The following SGK3 variants were observed in gnomAD, a reference collection of about 807,000 sequenced individuals.
SGK3 encodes the protein serum/glucocorticoid regulated kinase family member 3.
In SGK3, 47 loss-of-function variants were observed where a neutral mutation model predicts 68.5. That is an observed-to-expected ratio of 0.69 (90% CI 0.54 to 0.87). SGK3 has a LOEUF of 0.87. Among genes scored for constraint, SGK3 ranks in the 40% least tolerant of loss-of-function variants. The pLI, the probability that SGK3 is intolerant of heterozygous loss-of-function variation, is 0.00. For synonymous variants in SGK3, 181 were observed against 189.1 expected (o/e 0.96, Z 0.35); for missense variants, 479 against 575.5 (o/e 0.83, Z 1.72).
intron 4 of SGK3, among the ~76,000 whole-genome samples, chr8:66,808,649 G>A (rs887001037): frequency 3.3e-5 from 5 of 151,494 alleles, no homozygotes; most frequent in African/African-American, 1.2e-4. Flanking sequence ...GAGTAGCTGG[G>A]ATTATAGGAT....
At chr8:66,766,701 A>G (rs796183527) in intron 1 of SGK3, among the ~76,000 whole-genome samples, 47 of 152,220 alleles carry the variant, frequency 3.1e-4, no homozygotes, top group African/African-American at 1.1e-3. Context: ...TTTTGTTCAT[A>G]TATTTTGAAG....
intron 3 of SGK3, among the ~76,000 whole-genome samples, chr8:66,803,304 T>C (rs888181217): frequency 2.0e-5 from 3 of 152,090 alleles, no homozygotes; most frequent in African/African-American, 7.2e-5. Flanking sequence ...CAGTTGGCAG[T>C]TAGAGGTGTT....
At chr8:66,742,528 G>A (rs1805513579) in intron 1 of SGK3, among the ~76,000 whole-genome samples, 1 of 151,946 alleles carries the variant, frequency 6.6e-6, no homozygotes, top group African/African-American at 2.4e-5. Context: ...CACCATGTCT[G>A]GCTGATTTTG....
chr8:66,716,101 G>C lies in SGK3; in HGVS notation c.-122+3268G>C, dbSNP rs375128459. 2.6e-4 allele frequency among the ~76,000 whole-genome samples: 40 copies of C among 152,270 alleles called. 1 individual carries two copies. In the South Asian group the frequency reaches 7.7e-3, roughly 29 times the overall value. The stretch of plus-strand genomic sequence containing the variant: ...CTTATGTAACATGTTATTCCTGACA[G>C]ATGTAACAGCTCCCATATTATTTTA... On this transcript the variant is annotated intron_variant, in intron 1 of 16. Coordinates refer to ENST00000521198, the MANE Select transcript of SGK3 (RefSeq NM_001033578.3).
chr8:66,857,621 A>T (rs1012778335), intron 16 of SGK3, among the ~76,000 whole-genome samples: 5 of 152,060 alleles, frequency 3.3e-5, no homozygotes, highest in African/African-American at 1.2e-4. Flanking sequence ...GACTCTACTA[A>T]AAATAAAAAA....
At chr8:66,790,360 C>T (rs1013617686) in intron 1 of SGK3, among the ~76,000 whole-genome samples, 2 of 152,124 alleles carry the variant, frequency 1.3e-5, no homozygotes, top group Non-Finnish European at 2.9e-5. Flanking sequence ...GAGGAGGAGG[C>T]GTTGGGATGC....
In SGK3 at chr8:66,794,381, T is replaced by C. The variant is rs763849075; in HGVS notation, c.96+549T>C. 2.6e-5 allele frequency among the ~76,000 whole-genome samples: 4 copies of C among 152,288 alleles called. No homozygotes were observed. The East Asian group carries it at 7.7e-4, about 29-fold the overall frequency. On this transcript the variant is annotated intron_variant, in intron 2 of 16. Transcript: ENST00000521198. ...TGTATCAGTTTTTATTATTGGAGAA[T>C]AGTCACTTTTCTAATTAGTGTGCTG...
chr8:66,767,350 A>G, intron 1 of SGK3: 8 of 1,046,366 alleles, frequency 7.6e-6, no homozygotes, highest in Non-Finnish European at 1.0e-5. Flanking sequence ...TAAACAAATA[A>G]TGCTTTATTA....
intron 1 of SGK3, among the ~76,000 whole-genome samples, chr8:66,771,493 T>C (rs372483645): frequency 2.0e-5 from 3 of 152,230 alleles, no homozygotes; most frequent in East Asian, 1.9e-4. Flanking sequence ...AAGGAAAATT[T>C]ACTCTCTAAA....
chr8:66,733,371 CTT>C (rs1805224012), intron 1 of SGK3, among the ~76,000 whole-genome samples: 1 of 152,200 alleles, frequency 6.6e-6, no homozygotes, highest in Non-Finnish European at 1.5e-5. Context: ...TGAATTATCT[CTT>C]TCCATTTTGA....
intron 1 of SGK3, among the ~76,000 whole-genome samples, chr8:66,762,265 G>A (rs1041951893): frequency 2.0e-5 from 3 of 152,046 alleles, no homozygotes; most frequent in Non-Finnish European, 4.4e-5. Flanking sequence ...CACCGCGCCC[G>A]GCCTATAACA....
chr8:66,832,651 T>TC (rs1230071418), intron 8 of SGK3, among the ~76,000 whole-genome samples: 1 of 151,862 alleles, frequency 6.6e-6, no homozygotes, highest in Non-Finnish European at 1.5e-5. Flanking sequence ...ATACCTGTAA[T>TC]CCCAGCTACT....
intron 16 of SGK3, among the ~76,000 whole-genome samples, chr8:66,858,251 G>A (rs1221500937): frequency 6.6e-6 from 1 of 151,890 alleles, no homozygotes; most frequent in Non-Finnish European, 1.5e-5. Flanking sequence ...GGATCACGAG[G>A]TCAGGAGATC....
intron 1 of SGK3, among the ~76,000 whole-genome samples, chr8:66,772,805 G>T (rs1211521811): frequency 1.3e-5 from 2 of 151,828 alleles, no homozygotes; most frequent in African/African-American, 4.8e-5. Flanking sequence ...GTAGAGATGG[G>T]GTTTCACCAC....
chr8:66,766,777 A>G (rs1055957964), intron 1 of SGK3, among the ~76,000 whole-genome samples: 8 of 152,300 alleles, frequency 5.3e-5, no homozygotes, highest in African/African-American at 1.9e-4. Flanking sequence ...CCCCTTTACC[A>G]TTATTAAATG....
chr8:66,719,417 C>T (rs1256011123), intron 1 of SGK3, among the ~76,000 whole-genome samples: 1 of 152,110 alleles, frequency 6.6e-6, no homozygotes, highest in Non-Finnish European at 1.5e-5. Context: ...GTTTCGACCT[C>T]TAGGGTTCAA....
At chr8:66,774,925 G>C (rs1056708214) in intron 1 of SGK3, among the ~76,000 whole-genome samples, 1 of 152,206 alleles carries the variant, frequency 6.6e-6, no homozygotes, top group Non-Finnish European at 1.5e-5. Context: ...AACCTGGGGA[G>C]AGTGCCTTCT....
chr8:66,781,953 G>A (rs965736554), intron 1 of SGK3, among the ~76,000 whole-genome samples: 1 of 152,044 alleles, frequency 6.6e-6, no homozygotes, highest in Non-Finnish European at 1.5e-5. Context: ...TGAGGGGAGG[G>A]GAGAAGGCTA....
intron 2 of SGK3, among the ~76,000 whole-genome samples, chr8:66,796,335 T>TC (rs1348679495): frequency 7.3e-6 from 1 of 137,376 alleles, no homozygotes; most frequent in African/African-American, 2.7e-5. Flanking sequence ...TTTTTTTTTT[T>TC]TTTTTTTTTT....
Sources: gnomAD v4.1 joint callset for allele counts (sites outside exome capture counted in the v4.1 genomes callset) on GRCh38, gnomAD v4.1.1 for gene constraint, MANE v1.5 for transcripts, NCBI Gene and HGNC (gene_info 2026-07-23, HGNC 2026-07-21) for gene names.